Variants in AUTS2 observed in about 807,000 individuals in gnomAD.
The protein encoded by AUTS2 is autism susceptibility gene 2 protein.
AUTS2 carries 17 observed loss-of-function variants against 112.4 expected under a neutral mutation model. That is an observed-to-expected ratio of 0.15 (90% confidence interval 0.10 to 0.23). The LOEUF (loss-of-function observed/expected upper bound fraction) is 0.23, where lower values mean the gene tolerates loss of function less well. Ranked by LOEUF, AUTS2 falls within the 10% of genes least tolerant of loss-of-function variation. The pLI, the probability that AUTS2 is intolerant of heterozygous loss-of-function variation, is 1.00. For synonymous variants in AUTS2, 751 were observed against 702.7 expected (o/e 1.07, Z -1.09); for missense variants, 1,510 against 1,701.6 (o/e 0.89, Z 1.98).
chr7:69,872,834 CT>C (rs1164356683), intron 1 of AUTS2, among the ~76,000 whole-genome samples: 439 of 70,390 alleles, frequency 6.2e-3, no homozygotes, highest in African/African-American at 0.023. Flanking sequence ...AGCCTATATT[CT>C]TTTTTTTTTT....
At chr7:70,650,983 G>A (rs1432931480) in intron 5 of AUTS2, among the ~76,000 whole-genome samples, 1 of 152,192 alleles carries the variant, frequency 6.6e-6, no homozygotes, top group Non-Finnish European at 1.5e-5. Flanking sequence ...GAGGAAGGAG[G>A]AGGAAGTCCG....
At chr7:70,310,393 G>A (rs1789687589) in intron 4 of AUTS2, among the ~76,000 whole-genome samples, 1 of 152,272 alleles carries the variant, frequency 6.6e-6, no homozygotes, top group East Asian at 1.9e-4. Context: ...GGCGGATCAT[G>A]AGGTCAGGAA....
intron 1 of AUTS2, among the ~76,000 whole-genome samples, chr7:69,703,121 TG>T (rs879268971): frequency 0.032 from 4,820 of 152,260 alleles, 115 homozygotes; most frequent in African/African-American, 0.065. Context: ...GCACAGAGAA[TG>T]CCTGTGAAAG....
intron 5 of AUTS2, among the ~76,000 whole-genome samples, chr7:70,697,651 G>C (rs1005228091): frequency 1.0e-4 from 15 of 146,590 alleles, no homozygotes; most frequent in African/African-American, 3.8e-4. Flanking sequence ...TGTGTATCAA[G>C]TGTGAAAGAT....
At chr7:69,829,289 C>G (rs911353133) in intron 1 of AUTS2, among the ~76,000 whole-genome samples, 2 of 152,056 alleles carry the variant, frequency 1.3e-5, no homozygotes, top group Admixed American at 6.5e-5. Flanking sequence ...CATAAAAAAC[C>G]TTGAAGAAAA....
chr7:70,750,791 A>C (rs898114805), intron 6 of AUTS2, among the ~76,000 whole-genome samples: 1 of 152,236 alleles, frequency 6.6e-6, no homozygotes, highest in Non-Finnish European at 1.5e-5. Context: ...GTGTGCCCCA[A>C]ATCAGATGAA....
At chr7:70,542,576 C>T (rs1800596644) in intron 5 of AUTS2, among the ~76,000 whole-genome samples, 1 of 152,240 alleles carries the variant, frequency 6.6e-6, no homozygotes, top group Non-Finnish European at 1.5e-5. Context: ...CATGGCATTT[C>T]ATCTCCTTAG....
Position 70,684,096 on chromosome 7 carries a change from A to C in AUTS2, c.691-14473A>C, listed in dbSNP as rs1045469093. 2.0e-5 allele frequency among the ~76,000 whole-genome samples: 3 copies of C among 152,218 alleles called. No homozygotes were observed. In the South Asian group the frequency reaches 6.2e-4, roughly 32 times the overall value. ...AGCCAACAAGAATTCCTGCAAGTCA[A>C]TATTTGGACCATCAGGATGCTTAAT... is the stretch of plus-strand genomic sequence containing the variant. On this transcript the variant is annotated intron_variant, in intron 5 of 18. Transcript: ENST00000342771.
At chr7:70,029,071 C>T (rs771495713) in intron 2 of AUTS2, among the ~76,000 whole-genome samples, 8 of 152,112 alleles carry the variant, frequency 5.3e-5, no homozygotes, top group South Asian at 2.1e-4. Context: ...GCTAGACTGA[C>T]GGGCTGGAAT....
At chr7:69,693,734 T>C (rs1797442394) in intron 1 of AUTS2, among the ~76,000 whole-genome samples, 1 of 152,226 alleles carries the variant, frequency 6.6e-6, no homozygotes, top group Non-Finnish European at 1.5e-5. Flanking sequence ...ATTTGAGACT[T>C]GCTCAAAGTT....
chr7:69,672,290 C>A (rs1389315567), intron 1 of AUTS2, among the ~76,000 whole-genome samples: 2 of 152,038 alleles, frequency 1.3e-5, no homozygotes, highest in Non-Finnish European at 2.9e-5. Flanking sequence ...AACTCCCGAC[C>A]TCAGGTGATC....
At chr7:70,331,121 T>C (rs1028743502) in intron 4 of AUTS2, among the ~76,000 whole-genome samples, 8 of 152,178 alleles carry the variant, frequency 5.3e-5, no homozygotes, top group African/African-American at 1.9e-4. Context: ...TCAGAAGAGA[T>C]GGTACCAGCT....
At chr7:69,952,136 A>C (rs1488854716) in intron 2 of AUTS2, among the ~76,000 whole-genome samples, 2 of 152,086 alleles carry the variant, frequency 1.3e-5, no homozygotes, top group African/African-American at 4.8e-5. Context: ...TCAAGGGCTA[A>C]TATTTATATT....
At chr7:70,591,211 T>G (rs917412489) in intron 5 of AUTS2, among the ~76,000 whole-genome samples, 2 of 146,314 alleles carry the variant, frequency 1.4e-5, no homozygotes, top group Non-Finnish European at 1.5e-5. Flanking sequence ...AAAGATTAGG[T>G]GCTCCTGAAT....
intron 2 of AUTS2, among the ~76,000 whole-genome samples, chr7:69,901,812 A>C (rs980582797): frequency 2.6e-5 from 4 of 152,236 alleles, no homozygotes; most frequent in Admixed American, 6.5e-5. Context: ...TCTCATTTTT[A>C]ATATTCTTAG....
chr7:70,419,453 T>G (rs1427858229), intron 4 of AUTS2, among the ~76,000 whole-genome samples: 3 of 150,836 alleles, frequency 2.0e-5, no homozygotes, highest in Admixed American at 1.3e-4. Flanking sequence ...GTGGGGGGAG[T>G]TTGCTGTAAG....
chr7:70,601,322 A>G (rs895353445), intron 5 of AUTS2, among the ~76,000 whole-genome samples: 11 of 152,214 alleles, frequency 7.2e-5, no homozygotes, highest in African/African-American at 1.9e-4. Context: ...TACATCTGCT[A>G]TGGAGAAATG....
chr7:70,773,906 C>G, intron 11 of AUTS2, 122 bp from the exon 12 acceptor site: 1 of 890,078 alleles, frequency 1.1e-6, no homozygotes, highest in Non-Finnish European at 1.8e-6. Flanking sequence ...ATGAATCTTG[C>G]GTTTCAGAAG....
At chr7:69,682,549 C>G (rs1400737364) in intron 1 of AUTS2, among the ~76,000 whole-genome samples, 1 of 152,202 alleles carries the variant, frequency 6.6e-6, no homozygotes, top group Non-Finnish European at 1.5e-5. Flanking sequence ...AGTACTAATA[C>G]TAGCCTCTTC....
Sources: allele counts gnomAD v4.1 joint callset (sites outside exome capture counted in the v4.1 genomes callset), GRCh38; gene constraint gnomAD v4.1.1; transcripts MANE v1.5; gene names NCBI Gene and HGNC (gene_info 2026-07-23, HGNC 2026-07-21).